The following CLEC7A variants were observed in gnomAD, a reference collection of about 807,000 sequenced individuals.
CLEC7A encodes C-type lectin domain containing 7A, also known as C-type lectin domain family 7 member A.
Under a neutral mutation model 26.9 loss-of-function variants are expected in CLEC7A, and 25 were observed. The observed-to-expected ratio is 0.93, with a 90% confidence interval of 0.68 to 1.30. The LOEUF is 1.30. CLEC7A is among the 50% of genes most tolerant of loss of function. CLEC7A has a pLI of 0.00. For synonymous variants in CLEC7A, 100 were observed against 99.5 expected, an observed-to-expected ratio of 1.01 and a Z score of -0.03; for missense variants, 275 against 286.7, an observed-to-expected ratio of 0.96 and a Z score of 0.29.
chr12:10,129,704 A>G (rs139001652), intron 1 of CLEC7A, among the ~76,000 whole-genome samples: 28 of 151,880 alleles, frequency 1.8e-4, no homozygotes, highest in African/African-American at 6.8e-4. Flanking sequence ...TGCAACCTCC[A>G]CCTCCCAGGT....
chr12:10,126,924 AAAAG>A (rs1033316781), intron 2 of CLEC7A: 822 of 857,316 alleles, frequency 9.6e-4, no homozygotes, highest in African/African-American at 4.8e-3. Flanking sequence ...TAAAAAAAAA[AAAAG>A]AAAAGAAAAA....
rs58248371 is a variant in CLEC7A at position 10,118,710 on chromosome 12, G to A, written c.612-120C>T. 2,954 of 773,772 alleles carry A rather than the reference G, an allele frequency of 3.8e-3. 68 individuals are homozygous for A. The African/African-American group carries it at 0.047, about 12-fold the overall frequency. 47.9% of individuals were successfully genotyped at this position (773,772 alleles called of 1,614,324 possible). On this transcript the variant is annotated intron_variant, in intron 5 of 5. Coordinates refer to ENST00000304084, the MANE Select transcript of CLEC7A (RefSeq NM_197947.3). ...AGAGTTCTGAAGTGTTTCTATTATT[G>A]GAAAAGGAGGCTTAAATCTAAATTG...
intron 5 of CLEC7A, among the ~76,000 whole-genome samples, chr12:10,120,467 A>T (rs1450824049): frequency 6.6e-6 from 1 of 152,254 alleles, no homozygotes; most frequent in Non-Finnish European, 1.5e-5. Flanking sequence ...TTAAGAAAAA[A>T]TACCTGTAAT....
chr12:10,125,180 CAAA>C (rs10717980), intron 4 of CLEC7A, 114 bp downstream of exon 4: 15,643 of 580,876 alleles, frequency 0.027, no homozygotes, highest in East Asian at 0.033. Context: ...GACTCTGCCT[CAAA>C]AAAAAAAAAA....
intron 5 of CLEC7A, among the ~76,000 whole-genome samples, chr12:10,119,161 T>C (rs545055237): frequency 2.6e-5 from 4 of 152,362 alleles, no homozygotes; most frequent in Non-Finnish European, 5.9e-5. Flanking sequence ...GGCATGGTCC[T>C]GTTCAGTTTG....
chr12:10,125,224 A>G, intron 4 of CLEC7A, 73 bp downstream of exon 4: 2 of 1,339,280 alleles, frequency 1.5e-6, no homozygotes, highest in Non-Finnish European at 2.1e-6. Context: ...AAAAATTGTC[A>G]TTACCTGGAA....
Position 10,125,457 on chromosome 12 carries a change from A to G in CLEC7A, c.341-9T>C. On this transcript the variant is annotated splice_polypyrimidine_tract_variant and intron_variant, in intron 3 of 5. Coordinates refer to ENST00000304084, the MANE Select transcript of CLEC7A (RefSeq NM_197947.3). ...AGGGCTGGAAAGAACCCCTGGAAAT[A>G]AAAGATTAGTACCATGAGGTTCATA... 6.2e-7 allele frequency: 1 copy of G among 1,607,890 alleles called. No homozygotes were observed. Among genetic ancestry groups the G allele is most frequent in the Non-Finnish European group, 8.5e-7 (1 of 1,178,204 alleles).
At position 10,127,636 on chromosome 12, in the gene CLEC7A, T is replaced by C. The variant is rs553243254; in HGVS notation, c.202+111A>G. On this transcript the variant is annotated intron_variant, in intron 2 of 5. Coordinates refer to ENST00000304084, the MANE Select transcript of CLEC7A (RefSeq NM_197947.3). The stretch of plus-strand genomic sequence containing the variant: ...CCAACCCAATACAGATAAAACCAGA[T>C]TATATACAAATTAAAGTAGATTATG... The C allele has an allele frequency of 8.7e-5, 83 of 948,580 alleles. No individual in the cohort carries two copies. In the African/African-American group the frequency reaches 1.1e-3, roughly 13 times the overall value. 58.8% of individuals were successfully genotyped at this position (948,580 alleles called of 1,614,324 possible).
At chr12:10,127,392 G>A (rs753859185) in intron 2 of CLEC7A, 64 of 1,612,356 alleles carry the variant, frequency 4.0e-5, no homozygotes, top group South Asian at 1.9e-4. Flanking sequence ...CTTCAGCTCC[G>A]CTTGTTTTCT....
At position 10,118,394 on chromosome 12, in the gene CLEC7A, T is replaced by C; in HGVS notation, c.*64A>G. On this transcript the variant is annotated 3_prime_UTR_variant, in exon 6 of 6. Coordinates refer to ENST00000304084, the MANE Select transcript of CLEC7A (RefSeq NM_197947.3). ...ATCTTGACCTCAGCTGTTACTCTTT[T>C]CTGTTCTGTTTTCTGTCCTCCTTAC... 6.8e-7 allele frequency: 1 copy of C among 1,470,084 alleles called. No homozygotes were observed. Among genetic ancestry groups the C allele is most frequent in the Non-Finnish European group, 9.4e-7 (1 of 1,060,250 alleles). 91.1% of individuals were successfully genotyped at this position (1,470,084 alleles called of 1,614,324 possible).
At position 10,123,329 on chromosome 12, in the gene CLEC7A, T is replaced by A; in HGVS notation, c.527A>T (p.Asp176Val). The change falls in exon 5 of 6, where the codon GAT becomes GTT. Residue 176 changes from aspartate (D) to valine (V), a missense_variant. Coordinates refer to ENST00000304084, the MANE Select transcript of CLEC7A (RefSeq NM_197947.3). Reference protein sequence around the residue: ...FIVKQVSSQPDNSFWIGLSRP... With the variant: ...FIVKQVSSQPVNSFWIGLSRP... ...AGAAAGGCCTATCCAAAATGAATTA[T>A]CAGGTTGGGAAGACACTTGTTTTAC... 6.2e-7 allele frequency: 1 copy of A among 1,612,718 alleles called. No homozygotes were observed. Among genetic ancestry groups the A allele is most frequent in the Non-Finnish European group, 8.5e-7 (1 of 1,178,734 alleles).
In CLEC7A at chr12:10,127,732, C is replaced by T; in HGVS notation, c.202+15G>A. 1 of 1,526,978 alleles carries T rather than the reference C, an allele frequency of 6.5e-7. No homozygotes were observed. Among genetic ancestry groups the T allele is most frequent in the South Asian group, 1.2e-5 (1 of 85,406 alleles). The allele number at this position is 1,526,978 out of a possible 1,614,324, so 94.6% of individuals were successfully genotyped here. A position where few individuals can be genotyped will look rare whatever the true frequency, so the allele number is the denominator to read the frequency against. On this transcript the variant is annotated intron_variant, in intron 2 of 5. Transcript: ENST00000304084. Reference sequence around the variant, plus strand: ...CTAAATTGTCTGTTGTTAATCTCCTCCACCAAATACTCACCCATGGTACCC... The same window carrying T: ...CTAAATTGTCTGTTGTTAATCTCCTTCACCAAATACTCACCCATGGTACCC...
At chr12:10,128,500 C>G (rs1948382193) in intron 1 of CLEC7A, among the ~76,000 whole-genome samples, 1 of 152,128 alleles carries the variant, frequency 6.6e-6, no homozygotes, top group South Asian at 2.1e-4. Flanking sequence ...GAGGAAATAG[C>G]TTAATGTTGG....
intron 3 of CLEC7A, among the ~76,000 whole-genome samples, chr12:10,125,818 T>C (rs1265103846): frequency 6.6e-6 from 1 of 152,204 alleles, no homozygotes; most frequent in Non-Finnish European, 1.5e-5. Flanking sequence ...TTGCTACTTA[T>C]TTTATGATGT....
intron 1 of CLEC7A, among the ~76,000 whole-genome samples, chr12:10,128,481 T>A (rs970547987): frequency 1.3e-5 from 2 of 152,176 alleles, no homozygotes; most frequent in Non-Finnish European, 2.9e-5. Flanking sequence ...GAAATCCCAC[T>A]GATTCTTAGA....
At chr12:10,122,117 GTTAC>G (rs1948105462) in intron 5 of CLEC7A, among the ~76,000 whole-genome samples, 1 of 152,168 alleles carries the variant, frequency 6.6e-6, no homozygotes, top group African/African-American at 2.4e-5. Flanking sequence ...AAAGTCAAAA[GTTAC>G]TTTCTTTGAA....
At position 10,118,584 on chromosome 12, in the gene CLEC7A, C is replaced by T. The variant is rs1947980863; in HGVS notation, c.618G>A (p.Gln206=). ...TTTCTTGGGTAGCTGTGGTTCTGATCTGAAATCTGTTAAAATAGAATACAG... is the reference window on the plus strand; with the variant it reads ...TTTCTTGGGTAGCTGTGGTTCTGATTTGAAATCTGTTAAAATAGAATACAG... ...DGSTFSSNLF[Q]IRTTATQENP... is the part of the protein sequence containing the mutation. The change falls in exon 6 of 6, where the codon CAG becomes CAA. Residue 206 remains glutamine (Q), a synonymous_variant. Transcript: ENST00000304084. 2 of 1,612,500 alleles carry T rather than the reference C, an allele frequency of 1.2e-6. No individual in the cohort carries two copies. Among genetic ancestry groups the T allele is most frequent in the South Asian group, 2.2e-5 (2 of 91,002 alleles).
Position 10,128,048 on chromosome 12 carries a change from C to A in CLEC7A, c.104-203G>T, listed in dbSNP as rs1363550571. Among the ~76,000 whole-genome samples, 86 of 136,394 alleles carry A rather than the reference C, an allele frequency of 6.3e-4. No individual in the cohort carries two copies. Among genetic ancestry groups the A allele is most frequent in the Admixed American group, 8.8e-4 (12 of 13,698 alleles). The allele number at this position is 136,394 out of a possible 152,430, so 89.5% of individuals were successfully genotyped here. A position where few individuals can be genotyped will look rare whatever the true frequency, so the allele number is the denominator to read the frequency against. ...CAACACAGGGAGACCCTGTCCCTAC[C>A]AAAAAAAAAAAAGAAAAACAAAGAA... On this transcript the variant is annotated intron_variant, in intron 1 of 5. Transcript: ENST00000304084.
At position 10,125,347 on chromosome 12, in the gene CLEC7A, A is replaced by G; in HGVS notation, c.442T>C (p.Cys148Arg). The G allele has an allele frequency of 6.2e-7, 1 of 1,613,806 alleles. No homozygotes were observed. Among genetic ancestry groups the G allele is most frequent in the Non-Finnish European group, 8.5e-7 (1 of 1,179,918 alleles). The stretch of plus-strand genomic sequence containing the variant: ...AGGAGATTAGAGCCCAGTTGCCAGC[A>G]TTGTCTTTTACTTCCATCCCAGGAA... ...LNSWDGSKRQ[C>R]WQLGSNLLKI... Residue 148 changes from cysteine (C) to arginine (R), a missense_variant, in exon 4 of 6, where the codon TGC becomes CGC. Cys to Arg is a radical substitution (Grantham distance 180). Transcript: ENST00000304084.
Sources: allele counts gnomAD v4.1 joint callset (sites outside exome capture counted in the v4.1 genomes callset), GRCh38; gene constraint gnomAD v4.1.1; transcripts MANE v1.5; gene names NCBI Gene and HGNC (gene_info 2026-07-23, HGNC 2026-07-21).